DOCK3: variants seen among roughly 807,000 people sequenced by gnomAD.
DOCK3 encodes dedicator of cytokinesis 3, also known as dedicator of cytokinesis protein 3.
Under a neutral mutation model 265.6 loss-of-function variants are expected in DOCK3, and 60 were observed. The ratio of observed to expected loss-of-function variants is 0.23; its 90% CI spans 0.18 to 0.28. The LOEUF is 0.28. Among genes scored for constraint, DOCK3 ranks in the 10% least tolerant of loss-of-function variants. The probability of loss-of-function intolerance (pLI) is 1.00; values close to 1 mark genes in which losing one functional copy is unlikely to be tolerated. For synonymous variants in DOCK3, 881 were observed against 938.0 expected (o/e 0.94, Z 1.11); for missense variants, 1,981 against 2,594.3 (o/e 0.76, Z 5.14).
At chr3:50,938,498 A>G (rs2051518146) in intron 5 of DOCK3, among the ~76,000 whole-genome samples, 1 of 152,166 alleles carries the variant, frequency 6.6e-6, no homozygotes, top group African/African-American at 2.4e-5. Flanking sequence ...TCATTCACCA[A>G]GATAGACAAT....
intron 27 of DOCK3, among the ~76,000 whole-genome samples, chr3:51,293,164 G>T (rs2081885215): frequency 6.6e-6 from 1 of 151,928 alleles, no homozygotes; most frequent in African/African-American, 2.4e-5. Context: ...ACCCCAAATA[G>T]CCAAAGCAAC....
chr3:50,782,506 G>A (rs1023488729), intron 2 of DOCK3, among the ~76,000 whole-genome samples: 2 of 151,182 alleles, frequency 1.3e-5, no homozygotes, highest in African/African-American at 4.9e-5. Context: ...TAGCCAGGAT[G>A]GTCTCGATCT....
chr3:50,771,573 C>T (rs998185959), intron 1 of DOCK3, among the ~76,000 whole-genome samples: 9 of 152,010 alleles, frequency 5.9e-5, no homozygotes, highest in South Asian at 2.1e-4. Context: ...AGCTACTGGC[C>T]GGGTGTGGTG....
At chr3:50,898,365 C>A (rs1158422494) in intron 4 of DOCK3, among the ~76,000 whole-genome samples, 2 of 152,096 alleles carry the variant, frequency 1.3e-5, no homozygotes, top group East Asian at 3.9e-4. Context: ...GGATTCTTCT[C>A]TCTTTTCTTC....
At chr3:51,237,681 T>C in intron 21 of DOCK3, 91 bp downstream of exon 21, 2 of 1,129,206 alleles carry the variant, frequency 1.8e-6, no homozygotes, top group South Asian at 2.9e-5. Context: ...ATTTAAAAAG[T>C]TCAGCTGACT....
intron 7 of DOCK3, among the ~76,000 whole-genome samples, chr3:51,078,736 A>T (rs867251603): frequency 6.6e-6 from 1 of 152,320 alleles, no homozygotes; most frequent in Middle Eastern, 3.4e-3. Context: ...TTGGTCACTC[A>T]GAGTCTCAAA....
chr3:51,219,395 A>G (rs866754434), intron 14 of DOCK3, among the ~76,000 whole-genome samples: 2 of 152,148 alleles, frequency 1.3e-5, no homozygotes, highest in African/African-American at 4.8e-5. Flanking sequence ...TCATGTACAT[A>G]TTAATAATCC....
chr3:51,191,463 C>T (rs1402747609), intron 12 of DOCK3, among the ~76,000 whole-genome samples: 2 of 152,072 alleles, frequency 1.3e-5, no homozygotes, highest in African/African-American at 4.8e-5. Context: ...CTTTTATATT[C>T]GTCACCACTC....
intron 1 of DOCK3, among the ~76,000 whole-genome samples, chr3:50,698,515 T>TG (rs1559525599): frequency 3.5e-4 from 46 of 132,174 alleles, no homozygotes; most frequent in Middle Eastern, 7.4e-3. Flanking sequence ...TGTATGTTTT[T>TG]GGTTTTTTTT....
At chr3:51,218,909 T>C (rs1158582462) in intron 14 of DOCK3, among the ~76,000 whole-genome samples, 3 of 152,178 alleles carry the variant, frequency 2.0e-5, no homozygotes, top group Non-Finnish European at 4.4e-5. Context: ...TTTGCATCTC[T>C]CACAAGCTCT....
intron 1 of DOCK3, among the ~76,000 whole-genome samples, chr3:50,693,458 C>T (rs890253014): frequency 1.5e-4 from 23 of 150,670 alleles, no homozygotes; most frequent in African/African-American, 5.1e-4. Flanking sequence ...TATACCTAAG[C>T]ATTGTATTTC....
At chr3:51,350,743 T>C (rs961172965) in intron 40 of DOCK3, among the ~76,000 whole-genome samples, 1 of 152,242 alleles carries the variant, frequency 6.6e-6, no homozygotes, top group Non-Finnish European at 1.5e-5. Context: ...CTCAGCCATA[T>C]AGGGCACCAG....
intron 9 of DOCK3, among the ~76,000 whole-genome samples, chr3:51,134,821 G>T (rs931098338): frequency 2.0e-5 from 3 of 152,102 alleles, no homozygotes; most frequent in South Asian, 2.1e-4. Flanking sequence ...TAAAGCATGG[G>T]CTTTGAGTTC....
At chr3:51,236,454 T>C (rs780741883) in intron 20 of DOCK3, 26 bp downstream of exon 20, 1 of 1,573,984 alleles carries the variant, frequency 6.4e-7, no homozygotes, top group South Asian at 1.2e-5. Context: ...GACTCTTTAC[T>C]TTTATTAATT....
intron 5 of DOCK3, among the ~76,000 whole-genome samples, chr3:50,950,854 T>C (rs2076571110): frequency 6.6e-6 from 1 of 152,190 alleles, no homozygotes; most frequent in Admixed American, 6.5e-5. Context: ...CTCAACCCGA[T>C]AGTAAGTAAG....
chr3:50,803,558 A>T (rs561430394), intron 2 of DOCK3, among the ~76,000 whole-genome samples: 1 of 151,180 alleles, frequency 6.6e-6, no homozygotes. Context: ...TGCCATCGTC[A>T]TCATGGCCTG....
intron 10 of DOCK3, among the ~76,000 whole-genome samples, chr3:51,156,382 T>A (rs73833991): frequency 0.024 from 3,732 of 152,336 alleles, 177 homozygotes; most frequent in African/African-American, 0.085. Flanking sequence ...TCCTGCCATG[T>A]AATCAGGACT....
chr3:50,707,617 T>TG (rs141244501), intron 1 of DOCK3, among the ~76,000 whole-genome samples: 47 of 152,228 alleles, frequency 3.1e-4, no homozygotes, highest in Non-Finnish European at 5.9e-4. Context: ...GGGATGGGGA[T>TG]GTCAGATGGG....
At chr3:50,764,126 AT>A (rs958432067) in intron 1 of DOCK3, among the ~76,000 whole-genome samples, 2 of 151,226 alleles carry the variant, frequency 1.3e-5, no homozygotes, top group South Asian at 2.1e-4. Flanking sequence ...GTTGTATTAC[AT>A]TTTTTTTTCT....
Sources: allele counts gnomAD v4.1 joint callset (sites outside exome capture counted in the v4.1 genomes callset), GRCh38; gene constraint gnomAD v4.1.1; transcripts MANE v1.5; gene names NCBI Gene and HGNC (gene_info 2026-07-23, HGNC 2026-07-21).